The following MED23 variants were observed in gnomAD, a reference collection of about 807,000 sequenced individuals.
MED23 encodes mediator of RNA polymerase II transcription subunit 23.
In MED23, 105 loss-of-function variants were observed where a neutral mutation model predicts 163.9. The observed-to-expected ratio is 0.64, with a 90% CI of 0.55 to 0.75. MED23 has a LOEUF of 0.75. MED23 is among the 30% of genes least tolerant of loss of function. MED23 has a pLI of 0.00. For missense variants in MED23, 1,054 were observed against 1,649.0 expected (o/e 0.64, Z 6.25); for synonymous variants, 561 against 565.6 (o/e 0.99, Z 0.12).
intron 18 of MED23, among the ~76,000 whole-genome samples, chr6:131,599,399 T>C (rs981930088): frequency 6.6e-6 from 1 of 152,294 alleles, no homozygotes; most frequent in African/African-American, 2.4e-5. Flanking sequence ...TTCTCCTTAT[T>C]AGAAAAGCCA....
downstream of MED23, chr6:131,582,812 AAG>A: frequency 1.0e-6 from 1 of 994,966 alleles, no homozygotes; most frequent in Non-Finnish European, 1.6e-6. Context: ...ATTAAACATC[AAG>A]ACACACACAC....
In MED23 at chr6:131,602,285, G is replaced by A. The variant is rs538314298; in HGVS notation, c.2028C>T (p.Leu676=). ...GGTTCAGTTCTTCAGATTCTGCTGA[G>A]AGCACTGTTTTGGGATCACTAAGGA... ...TRFLSDPKTV[L]SAESEELNRA... The change falls in exon 17 of 29, where the codon CTC becomes CTT. Residue 676 remains leucine, a synonymous_variant. Coordinates refer to ENST00000368068, the MANE Select transcript of MED23 (RefSeq NM_004830.4). The A allele has an allele frequency of 1.2e-4, 198 of 1,613,922 alleles. 2 individuals carry two copies. The South Asian group carries it at 2.0e-3, about 17-fold the overall frequency.
chr6:131,587,606 T>C lies in MED23; in HGVS notation c.*73A>G. The C allele has an allele frequency of 6.2e-7, 1 of 1,608,738 alleles. No homozygotes were observed. The highest frequency in any genetic ancestry group is 1.3e-5 in the African/African-American group (1 of 74,964). On this transcript the variant is annotated 3_prime_UTR_variant, in exon 29 of 29. Transcript: ENST00000368068. ...ACTATATCACTACAGTGTGATCGCA[T>C]TCAGATTTAAAAGGTTTGAGTCCAC... is the stretch of plus-strand genomic sequence containing the variant.
chr6:131,607,892 T>A, intron 12 of MED23, 36 bp downstream of exon 12: 1 of 1,608,076 alleles, frequency 6.2e-7, no homozygotes, highest in Non-Finnish European at 8.5e-7. Context: ...AATTTACTCA[T>A]CATGTTGTTA....
Position 131,589,489 on chromosome 6 carries a change from A to G in MED23, c.3915T>C (p.Phe1305=). 1.2e-6 allele frequency: 2 copies of G among 1,613,834 alleles called. No homozygotes were observed. Among genetic ancestry groups the G allele is most frequent in the Non-Finnish European group, 1.7e-6 (2 of 1,179,772 alleles). The change falls in exon 28 of 29, where the codon TTT becomes TTC. Residue 1305 remains phenylalanine (F), a synonymous_variant. Coordinates refer to ENST00000368068, the MANE Select transcript of MED23 (RefSeq NM_004830.4). ...CDFLYHMKYM[F]TGDSVKEQVE... ...CTTGCTCTTTCACGCTGTCACCAGT[A>G]AACATATACTTCATGTGATAGAGGA...
chr6:131,583,509 G>T (rs1198201663), downstream of MED23: 1 of 1,613,918 alleles, frequency 6.2e-7, no homozygotes, highest in South Asian at 1.1e-5. Flanking sequence ...ACAATCTGAG[G>T]TAATAGAGAA....
At position 131,602,921 on chromosome 6, in the gene MED23, G is replaced by C. The variant is rs571082374; in HGVS notation, c.1931+109C>G. ...GAAGCAGAGAAGTTTTATGACAGAT[G>C]AATAATAATAAAAAAAAAAACTATA... On this transcript the variant is annotated intron_variant, in intron 16 of 28. Transcript: ENST00000368068. 1.2e-4 allele frequency: 137 copies of C among 1,154,802 alleles called. No individual in the cohort carries two copies. In the African/African-American group the frequency reaches 1.9e-3, roughly 16 times the overall value. The allele number at this position is 1,154,802 out of a possible 1,614,324, so 71.5% of individuals were successfully genotyped here.
chr6:131,584,026 A>ATT, downstream of MED23: 2 of 1,204,668 alleles, frequency 1.7e-6, no homozygotes, highest in Non-Finnish European at 2.3e-6. Flanking sequence ...TGTTTTTCCA[A>ATT]TTAGTATAAA....
At chr6:131,625,880 T>C (rs946792927) in intron 3 of MED23, among the ~76,000 whole-genome samples, 2 of 151,808 alleles carry the variant, frequency 1.3e-5, no homozygotes, top group African/African-American at 4.8e-5. Flanking sequence ...CCCAGCACTT[T>C]GGGAGGCCGA....
At chr6:131,593,982 CT>C (rs2114606642) in intron 23 of MED23, 116 bp downstream of exon 23, 1 of 842,384 alleles carries the variant, frequency 1.2e-6, no homozygotes, top group Admixed American at 2.5e-5. Flanking sequence ...TGGAAGTGAT[CT>C]TAAAAAAAAT....
chr6:131,593,086 A>G lies in MED23; in HGVS notation c.3318T>C (p.His1106=), dbSNP rs1407397995. The G allele has an allele frequency of 1.9e-6, 3 of 1,614,184 alleles. No homozygotes were observed. Among genetic ancestry groups the G allele is most frequent in the East Asian group, 4.5e-5 (2 of 44,880 alleles). The change falls in exon 24 of 29, where the codon CAT becomes CAC. Residue 1106 remains histidine, a synonymous_variant. Transcript: ENST00000368068. Reference sequence around the variant, plus strand: ...AGGCCATGAGCTCCACACAAGTAACATGGAGAGCATGGGCAGCTGGGTTGG... The same window carrying G: ...AGGCCATGAGCTCCACACAAGTAACGTGGAGAGCATGGGCAGCTGGGTTGG... The part of the protein sequence containing the change: ...EFPNPAAHAL[H]VTCVELMALA...
Position 131,620,630 on chromosome 6 carries a change from A to C in MED23, c.595T>G (p.Trp199Gly), listed in dbSNP as rs997100681. 4 of 1,602,898 alleles carry C rather than the reference A, an allele frequency of 2.5e-6. No individual in the cohort carries two copies. Among genetic ancestry groups the C allele is most frequent in the Non-Finnish European group, 3.4e-6 (4 of 1,170,542 alleles). Residue 199 changes from tryptophan to glycine, a missense_variant and splice_region_variant, in exon 7 of 29, where the codon TGG (tryptophan) becomes GGG (glycine). Trp to Gly is a radical substitution (Grantham distance 184). Transcript: ENST00000368068. ...AATTCAGGAAATATAAAATTTACCC[A>C]GTGTGGAAGTTTGCCTTCAGGATAC... The part of the protein sequence containing the change: ...KLYPEGKLPH[W>G]LLGNLVSDFV...
At chr6:131,623,253 T>C in intron 5 of MED23, 98 bp downstream of exon 5, 1 of 971,888 alleles carries the variant, frequency 1.0e-6, no homozygotes, top group Middle Eastern at 2.1e-4. Flanking sequence ...ATTTTGTAAA[T>C]GCTTCCACAT....
At chr6:131,595,605 C>T (rs970961513) in intron 22 of MED23, among the ~76,000 whole-genome samples, 5 of 152,222 alleles carry the variant, frequency 3.3e-5, no homozygotes, top group Admixed American at 6.5e-5. Context: ...TTATCTCCTC[C>T]ATGATTTCCC....
At chr6:131,625,327 C>A (rs1373513523) in intron 3 of MED23, among the ~76,000 whole-genome samples, 1 of 152,144 alleles carries the variant, frequency 6.6e-6, no homozygotes, top group Non-Finnish European at 1.5e-5. Flanking sequence ...CCCTTTATGG[C>A]ATATATAAAT....
chr6:131,594,822 AAACAAACAAACAAAC>A (rs1774922781), intron 22 of MED23, among the ~76,000 whole-genome samples: 5 of 152,086 alleles, frequency 3.3e-5, no homozygotes, highest in Admixed American at 3.3e-4. Context: ...ACAAACAAAC[AAACAAACAAACAAAC>A]AAAACCAGCC....
Position 131,587,667 on chromosome 6 carries a change from T to A in MED23, c.*12A>T. The A allele has an allele frequency of 1.2e-6, 2 of 1,614,054 alleles. No individual in the cohort carries two copies. The highest frequency in any genetic ancestry group is 1.7e-6 in the Non-Finnish European group (2 of 1,179,958). On this transcript the variant is annotated 3_prime_UTR_variant, in exon 29 of 29. Transcript: ENST00000368068. ...GGATATATTTCTACTTTCTCCACAG[T>A]ACAGTCTGGCTTCACTGAGTTACTG...
chr6:131,575,623 A>G lies in MED23; in HGVS notation c.4096-1328T>C, dbSNP rs556817812. Among the ~76,000 whole-genome samples the G allele has an allele frequency of 9.2e-5, 14 of 152,332 alleles. No homozygotes were observed. In the South Asian group the frequency reaches 2.1e-3, roughly 23 times the overall value. ...TGCTTACTTTGATGCCACAGCCCCA[A>G]TCCTAAAGATAGACACACGTGTCTT... is the stretch of plus-strand genomic sequence containing the variant. On this transcript the variant is annotated intron_variant, in intron 30 of 30. Transcript: ENST00000354577.
chr6:131,600,764 G>T (rs1206396719), intron 17 of MED23, among the ~76,000 whole-genome samples: 1 of 152,098 alleles, frequency 6.6e-6, no homozygotes, highest in Non-Finnish European at 1.5e-5. Flanking sequence ...TTTTCACTTG[G>T]TATGAGCACT....
Sources: allele counts gnomAD v4.1 joint callset (sites outside exome capture counted in the v4.1 genomes callset), GRCh38; gene constraint gnomAD v4.1.1; transcripts MANE v1.5; gene names NCBI Gene and HGNC (gene_info 2026-07-23, HGNC 2026-07-21).